The following OCA2 variants were observed in gnomAD, a reference collection of about 807,000 sequenced individuals.
OCA2 encodes the protein P protein.
OCA2 carries 77 observed loss-of-function variants against 100.2 expected under a neutral mutation model. The observed-to-expected ratio is 0.77, with a 90% CI of 0.64 to 0.93. The LOEUF (loss-of-function observed/expected upper bound fraction) is 0.93. OCA2 is among the 40% of genes least tolerant of loss of function. The pLI, the probability that OCA2 is intolerant of heterozygous loss-of-function variation, is 0.00. For missense variants in OCA2, 1,062 were observed against 1,089.1 expected, an observed-to-expected ratio of 0.98 and a Z score of 0.35; for synonymous variants, 432 against 439.2, an observed-to-expected ratio of 0.98 and a Z score of 0.21.
At chr15:27,775,063 CGTGT>C (rs66465683) in intron 23 of OCA2, among the ~76,000 whole-genome samples, 4,561 of 142,876 alleles carry the variant, frequency 0.032, 160 homozygotes, top group African/African-American at 0.095. Context: ...TTTTAGAACT[CGTGT>C]GTGTGTGTGT....
chr15:27,861,177 C>A (rs930137529), intron 21 of OCA2, among the ~76,000 whole-genome samples: 6 of 152,146 alleles, frequency 3.9e-5, no homozygotes, highest in Non-Finnish European at 7.4e-5. Flanking sequence ...TGAGGGGCAG[C>A]TGGCCATGGG....
intron 2 of OCA2, among the ~76,000 whole-genome samples, chr15:28,052,117 G>T (rs2043537719): frequency 6.6e-6 from 1 of 152,102 alleles, no homozygotes; most frequent in African/African-American, 2.4e-5. Flanking sequence ...GGAATCCAGT[G>T]GCTCTGCTTC....
chr15:27,798,100 C>G (rs1191538494), intron 23 of OCA2, among the ~76,000 whole-genome samples: 1 of 152,186 alleles, frequency 6.6e-6, no homozygotes, highest in Non-Finnish European at 1.5e-5. Context: ...AAGCAAAGAG[C>G]AAACATTTTG....
At chr15:27,958,862 G>A (rs1385664910) in intron 15 of OCA2, among the ~76,000 whole-genome samples, 3 of 152,130 alleles carry the variant, frequency 2.0e-5, no homozygotes, top group Non-Finnish European at 4.4e-5. Flanking sequence ...TCAAGCAGGC[G>A]CTGGGGCACT....
intron 9 of OCA2, among the ~76,000 whole-genome samples, chr15:28,004,328 T>C (rs2042023722): frequency 6.6e-6 from 1 of 152,102 alleles, no homozygotes. Flanking sequence ...CGGGACACTC[T>C]TGCCTGCCAC....
intron 21 of OCA2, among the ~76,000 whole-genome samples, chr15:27,870,786 G>C (rs968629394): frequency 1.2e-5 from 1 of 86,284 alleles, no homozygotes; most frequent in Non-Finnish European, 2.2e-5. Context: ...AAGAAAGAAA[G>C]AAAAAGAAAG....
Position 28,079,273 on chromosome 15 carries a change from C to G in OCA2, c.227+2375G>C, listed in dbSNP as rs573673011. The stretch of plus-strand genomic sequence containing the variant: ...CACCTATGGTAGATTCAAAGACTTA[C>G]GTATCTTTTCTCTGATAAGATTACT... On this transcript the variant is annotated intron_variant, in intron 2 of 23. Transcript: ENST00000354638. Among the ~76,000 whole-genome samples, 17 of 150,784 alleles carry G rather than the reference C, an allele frequency of 1.1e-4. No individual in the cohort carries two copies. The South Asian group carries it at 3.6e-3, about 32-fold the overall frequency.
At position 27,985,150 on chromosome 15, in the gene OCA2, G is replaced by A. The variant is rs1567193571; in HGVS notation, c.1278C>T (p.Ile426=). Residue 426 remains isoleucine, a synonymous_variant, in exon 13 of 24, where the codon ATC becomes ATT. Transcript: ENST00000354638. The part of the protein sequence containing the change: ...RLSRGRVWAM[I]IMLCLIAAVL... ...CGGCCGCGATGAGACAGAGCATGAT[G>A]ATCATGGCCCACACCCGTCCCCGGG... is the stretch of plus-strand genomic sequence containing the variant. 2 of 1,613,974 alleles carry A rather than the reference G, an allele frequency of 1.2e-6. No individual in the cohort carries two copies. Among genetic ancestry groups the A allele is most frequent in the Non-Finnish European group, 1.7e-6 (2 of 1,180,008 alleles).
chr15:28,065,152 C>T (rs900089500), intron 2 of OCA2, among the ~76,000 whole-genome samples: 6 of 152,052 alleles, frequency 3.9e-5, no homozygotes, highest in African/African-American at 1.2e-4. Context: ...TCTGATGGAG[C>T]ACTTCATCAA....
chr15:28,072,328 G>A (rs150813905), intron 2 of OCA2, among the ~76,000 whole-genome samples: 1,573 of 152,124 alleles, frequency 0.01, 19 homozygotes, highest in African/African-American at 0.036. Flanking sequence ...GGTGGCTCAC[G>A]CCTGTAATCC....
intron 19 of OCA2, among the ~76,000 whole-genome samples, chr15:27,925,804 C>G (rs2594927): frequency 6.6e-6 from 1 of 152,134 alleles, no homozygotes; most frequent in Non-Finnish European, 1.5e-5. Context: ...GGTCACACTA[C>G]CTCCTAAACT....
At chr15:27,789,676 TGTCTGGCTA>T (rs1454746362) in intron 23 of OCA2, among the ~76,000 whole-genome samples, 8 of 152,228 alleles carry the variant, frequency 5.3e-5, no homozygotes, top group African/African-American at 1.7e-4. Context: ...ACCTATTAAA[TGTCTGGCTA>T]GTCTGATTTT....
rs1241543012 is a variant in OCA2 at position 27,986,779 on chromosome 15, C to T, written c.1183-136G>A. On this transcript the variant is annotated intron_variant, in intron 11 of 23. Transcript: ENST00000354638. ...TCACCAAGCTCCTCACTCTGAGATG[C>T]AGAAAGACCGTCACTTCCTGGAATA... The T allele has an allele frequency of 2.8e-5, 21 of 740,166 alleles. No individual in the cohort carries two copies. The East Asian group carries it at 5.2e-4, about 18-fold the overall frequency. 45.8% of individuals were successfully genotyped at this position (740,166 alleles called of 1,614,324 possible). A position where few individuals can be genotyped will look rare whatever the true frequency, so the allele number is the denominator to read the frequency against.
intron 17 of OCA2, among the ~76,000 whole-genome samples, chr15:27,953,662 G>A (rs1324635228): frequency 6.6e-6 from 1 of 152,160 alleles, no homozygotes; most frequent in African/African-American, 2.4e-5. Flanking sequence ...CCAGCATCCT[G>A]CAGCTCATGG....
chr15:28,014,196 G>A (rs1461379351), intron 9 of OCA2, among the ~76,000 whole-genome samples: 40 of 152,210 alleles, frequency 2.6e-4, no homozygotes. Context: ...CCCAGCCCAG[G>A]AAGGGTCTGC....
At chr15:27,739,687 C>A in the OCA2 span, among the ~76,000 whole-genome samples, 3 of 152,118 alleles carry the variant, frequency 2.0e-5, no homozygotes, top group Non-Finnish European at 2.9e-5. Flanking sequence ...CTCAGCTGAT[C>A]CACCCGCCTT....
intron 18 of OCA2, among the ~76,000 whole-genome samples, chr15:27,949,438 G>C (rs1456660229): frequency 6.6e-6 from 1 of 152,176 alleles, no homozygotes; most frequent in Non-Finnish European, 1.5e-5. Context: ...TGAGGCGGGA[G>C]GATCACCTGA....
At chr15:27,747,921 C>T in the OCA2 span, among the ~76,000 whole-genome samples, 523 of 152,184 alleles carry the variant, frequency 3.4e-3, 2 homozygotes, top group African/African-American at 0.012. Context: ...AACTCTGAAA[C>T]GTGGATGAGG....
At chr15:28,016,496 T>C (rs2042397768) in intron 7 of OCA2, among the ~76,000 whole-genome samples, 1 of 152,230 alleles carries the variant, frequency 6.6e-6, no homozygotes, top group Admixed American at 6.5e-5. Flanking sequence ...AAAGAAATCA[T>C]GCCCAGACGC....
Sources: gnomAD v4.1 joint callset for allele counts (sites outside exome capture counted in the v4.1 genomes callset) on GRCh38, gnomAD v4.1.1 for gene constraint, MANE v1.5 for transcripts, NCBI Gene and HGNC (gene_info 2026-07-23, HGNC 2026-07-21) for gene names.